The following DTX1 variants were observed in gnomAD, a reference collection of about 807,000 sequenced individuals.
DTX1 encodes E3 ubiquitin-protein ligase DTX1.
DTX1 carries 26 observed loss-of-function variants against 57.8 expected under a neutral mutation model. The ratio of observed to expected loss-of-function variants is 0.45; its 90% CI spans 0.33 to 0.62. The LOEUF (loss-of-function observed/expected upper bound fraction) is 0.62. DTX1 is among the 20% of genes least tolerant of loss of function. The probability of loss-of-function intolerance (pLI) is 0.02; values close to 1 mark genes in which losing one functional copy is unlikely to be tolerated. For missense variants in DTX1, 704 were observed against 895.3 expected (o/e 0.79, Z 2.73); for synonymous variants, 398 against 394.1 (o/e 1.01, Z -0.12).
At chr12:113,071,138 C>T (rs1236673722) in intron 2 of DTX1, among the ~76,000 whole-genome samples, 1 of 152,230 alleles carries the variant, frequency 6.6e-6, no homozygotes, top group African/African-American at 2.4e-5. Flanking sequence ...TTGGCCTTGG[C>T]CTGTCTCTGA....
intron 3 of DTX1, among the ~76,000 whole-genome samples, chr12:113,082,477 G>A (rs570170815): frequency 6.6e-6 from 1 of 152,306 alleles, no homozygotes; most frequent in East Asian, 1.9e-4. Context: ...AGCCTATGAG[G>A]GGAAAGGGAT....
At chr12:113,069,472 G>A (rs2044725830) in intron 2 of DTX1, among the ~76,000 whole-genome samples, 1 of 152,140 alleles carries the variant, frequency 6.6e-6, no homozygotes, top group Non-Finnish European at 1.5e-5. Context: ...ACCCTGGCCT[G>A]GCTTCCAGCA....
intron 2 of DTX1, among the ~76,000 whole-genome samples, chr12:113,063,123 C>T (rs1185758830): frequency 6.6e-6 from 1 of 152,204 alleles, no homozygotes; most frequent in Non-Finnish European, 1.5e-5. Flanking sequence ...CTTCATTTCC[C>T]TCTGTCTCCA....
intron 2 of DTX1, among the ~76,000 whole-genome samples, chr12:113,071,389 G>A (rs1322296100): frequency 6.6e-6 from 1 of 152,262 alleles, no homozygotes; most frequent in Non-Finnish European, 1.5e-5. Flanking sequence ...GGAGGAGAGA[G>A]AAGGGGAAGA....
At chr12:113,070,556 C>A (rs1222166180) in intron 2 of DTX1, among the ~76,000 whole-genome samples, 1 of 152,214 alleles carries the variant, frequency 6.6e-6, no homozygotes. Flanking sequence ...TCAGAACCCT[C>A]CCCCTTCTCC....
chr12:113,062,032 T>TATACACAC (rs2044667915), intron 2 of DTX1, among the ~76,000 whole-genome samples: 1 of 142,390 alleles, frequency 7.0e-6, no homozygotes, highest in Non-Finnish European at 1.6e-5. Context: ...TTATATTTCA[T>TATACACAC]ACACACACAC....
chr12:113,090,002 A>G (rs537208024), intron 3 of DTX1: 1 of 152,380 alleles, frequency 6.6e-6, no homozygotes, highest in South Asian at 2.1e-4. Context: ...GGAGAGCTGT[A>G]CTGAGGACTC....
intron 3 of DTX1, among the ~76,000 whole-genome samples, chr12:113,084,458 T>TGGAGTG (rs2044841196): frequency 1.3e-5 from 2 of 152,182 alleles, no homozygotes; most frequent in African/African-American, 4.8e-5. Context: ...CAATTATAGC[T>TGGAGTG]CACTGCAACC....
In DTX1 at chr12:113,063,173, GC is replaced by G. The variant is rs543444743; in HGVS notation, c.259+4725del. On this transcript the variant is annotated intron_variant, in intron 2 of 9. Transcript: ENST00000548759. ...AGACAAAGATTGCCACATATGGGAA[GC>G]CCAAGGCCGAAGGGTATGCTCAGCT... is the stretch of plus-strand genomic sequence containing the variant. Among the ~76,000 whole-genome samples, 82 of 152,360 alleles carry G rather than the reference GC, an allele frequency of 5.4e-4. 1 individual carries two copies. The highest frequency in any genetic ancestry group is 1.8e-3 in the African/African-American group (76 of 41,596).
intron 3 of DTX1, among the ~76,000 whole-genome samples, chr12:113,081,147 A>T (rs2044814114): frequency 6.6e-6 from 1 of 152,198 alleles, no homozygotes; most frequent in African/African-American, 2.4e-5. Flanking sequence ...GTTCGAGACC[A>T]GCATGGCCAA....
intron 2 of DTX1, among the ~76,000 whole-genome samples, chr12:113,067,641 C>T (rs930126594): frequency 1.3e-5 from 2 of 152,242 alleles, no homozygotes; most frequent in African/African-American, 4.8e-5. Context: ...CATAACTCAG[C>T]TCCTGCTCAC....
intron 2 of DTX1, among the ~76,000 whole-genome samples, chr12:113,065,955 C>G (rs2044701002): frequency 6.6e-6 from 1 of 152,126 alleles, no homozygotes; most frequent in South Asian, 2.1e-4. Flanking sequence ...AGGCCTCCGC[C>G]CGCCACCTCT....
chr12:113,075,107 A>T (rs1422842627), intron 2 of DTX1, among the ~76,000 whole-genome samples: 2 of 152,110 alleles, frequency 1.3e-5, no homozygotes, highest in African/African-American at 2.4e-5. Context: ...CCTCTCAGCA[A>T]CCCCACAAGC....
At chr12:113,083,971 C>A (rs1409865380) in intron 3 of DTX1, among the ~76,000 whole-genome samples, 1 of 152,246 alleles carries the variant, frequency 6.6e-6, no homozygotes, top group Non-Finnish European at 1.5e-5. Flanking sequence ...CAGCAAGGAT[C>A]AGCTTGCAAG....
In DTX1 at chr12:113,081,835, C is replaced by G. The variant is rs553761618; in HGVS notation, c.941+3730C>G. Among the ~76,000 whole-genome samples, 3 of 152,174 alleles carry G rather than the reference C, an allele frequency of 2.0e-5. No homozygotes were observed. The East Asian group carries it at 5.8e-4, about 29-fold the overall frequency. On this transcript the variant is annotated intron_variant, in intron 3 of 9. Transcript: ENST00000548759. ...TGAATCCAGAAGGTTCTGGAGACCA[C>G]CGGGGGATAGAGGCTCCCTTCTGGA...
rs1486378585 is a variant in DTX1 at position 113,077,738 on chromosome 12, G to A, written c.574G>A (p.Val192Met). The A allele has an allele frequency of 6.5e-7, 1 of 1,532,534 alleles. No individual in the cohort carries two copies. Among genetic ancestry groups the A allele is most frequent in the Non-Finnish European group, 8.7e-7 (1 of 1,144,654 alleles). 94.9% of individuals were successfully genotyped at this position (1,532,534 alleles called of 1,614,324 possible). A position where few individuals can be genotyped will look rare whatever the true frequency, so the allele number is the denominator to read the frequency against. Residue 192 changes from valine (V) to methionine (M), a missense_variant, in exon 3 of 10, where the codon GTG becomes ATG. Val to Met is a conservative substitution (Grantham distance 21, BLOSUM62 1). This residue lies in a region of DTX1 where 237 missense variants were observed against 328.6 expected (regional missense o/e 0.72). Transcript: ENST00000548759. This position sits in a 1 kb window ranked among gnomAD's most constrained non-coding sequence, Gnocchi z 7.8. ...CATCCCTAAGTCGCAGTCGTGGCCC[G>A]TGGGCGCCAGCTCGGGCCAGCCCTG... ...GSIPKSQSWP[V>M]GASSGQPCSC...
chr12:113,063,374 C>T (rs549882108), intron 2 of DTX1, among the ~76,000 whole-genome samples: 56 of 152,352 alleles, frequency 3.7e-4, no homozygotes, highest in Non-Finnish European at 6.6e-4. Flanking sequence ...GAGGGCCTCA[C>T]CCAGACCCTG....
At position 113,073,939 on chromosome 12, in the gene DTX1, A is replaced by G. The variant is rs574426299; in HGVS notation, c.260-3485A>G. Among the ~76,000 whole-genome samples the G allele has an allele frequency of 5.3e-5, 8 of 152,270 alleles. No individual in the cohort carries two copies. In the South Asian group the frequency reaches 1.7e-3, roughly 32 times the overall value. On this transcript the variant is annotated intron_variant, in intron 2 of 9. Coordinates refer to ENST00000548759, the MANE Select transcript of DTX1 (RefSeq NM_004416.3). The stretch of plus-strand genomic sequence containing the variant: ...ATAAAGAATGCATGCAGATTAATAC[A>G]TCATGTCACAGCCTGGCGCAGTGGC...
At chr12:113,062,032 TAC>T (rs35422556) in intron 2 of DTX1, among the ~76,000 whole-genome samples, 3,693 of 142,178 alleles carry the variant, frequency 0.026, 60 homozygotes, top group African/African-American at 0.048. Flanking sequence ...TTATATTTCA[TAC>T]ACACACACAC....
Sources: gnomAD v4.1 joint callset for allele counts (sites outside exome capture counted in the v4.1 genomes callset) on GRCh38, gnomAD v4.1.1 for gene constraint, gnomAD v4.1.1 regional missense constraint, Gnocchi (gnomAD v3.1) non-coding constraint, MANE v1.5 for transcripts, NCBI Gene and HGNC (gene_info 2026-07-23, HGNC 2026-07-21) for gene names.